ABCA5: variants seen among roughly 807,000 people sequenced by gnomAD.
The protein encoded by ABCA5 is ATP binding cassette subfamily A member 5, also known as cholesterol transporter ABCA5.
A neutral mutation model predicts 206.0 loss-of-function variants in ABCA5; 163 were observed. That is an observed-to-expected ratio of 0.79 (90% CI 0.70 to 0.90). The LOEUF is 0.90. Among genes scored for constraint, ABCA5 ranks in the 40% least tolerant of loss-of-function variants. The pLI is 0.00. For missense variants in ABCA5, 1,859 were observed against 1,912.9 expected (o/e 0.97, Z 0.53); for synonymous variants, 609 against 613.8 (o/e 0.99, Z 0.11).
chr17:69,267,367 C>G (rs1039051412), intron 23 of ABCA5, among the ~76,000 whole-genome samples: 1 of 152,048 alleles, frequency 6.6e-6, no homozygotes, highest in African/African-American at 2.4e-5. Context: ...AAAGACTGTA[C>G]AAGATCGCTA....
At chr17:69,306,618 G>T (rs1054647783) in intron 6 of ABCA5, 107 bp downstream of exon 6, 2 of 502,098 alleles carry the variant, frequency 4.0e-6, no homozygotes, top group Middle Eastern at 6.4e-4. Context: ...AAGAAAACAG[G>T]ATAAGCACAT....
rs2074964840 is a variant in ABCA5, at chr17:69,247,563, T to C, written c.4903A>G (p.Thr1635Ala). 1 of 1,608,836 alleles carries C rather than the reference T, an allele frequency of 6.2e-7. No homozygotes were observed. The highest frequency in any genetic ancestry group is 1.1e-5 in the South Asian group (1 of 90,330). The change falls in exon 39 of 39, where the codon ACA becomes GCA. Residue 1635 changes from threonine to alanine, a missense_variant. Coordinates refer to ENST00000392676, the MANE Select transcript of ABCA5 (RefSeq NM_172232.4). Reference protein sequence around the residue: ...TLNSTLWWERTQEDRVVF With the variant: ...TLNSTLWWERAQEDRVVF ...CAAAATACTACTCTATCTTCTTGTG[T>C]TCGTTCCCACCAAAGTGTGCTGTTT...
At chr17:69,309,863 A>T (rs1028276391) in intron 3 of ABCA5, among the ~76,000 whole-genome samples, 1 of 152,090 alleles carries the variant, frequency 6.6e-6, no homozygotes, top group Non-Finnish European at 1.5e-5. Flanking sequence ...AAACAAAAAG[A>T]AGACAATTCT....
At chr17:69,318,113 A>G (rs937086981) in intron 1 of ABCA5, among the ~76,000 whole-genome samples, 3 of 79,740 alleles carry the variant, frequency 3.8e-5, no homozygotes, top group Non-Finnish European at 3.0e-5. Flanking sequence ...GAAAACTCAC[A>G]ATTTTTTTTT....
At chr17:69,280,411 C>G (rs11077446) in intron 18 of ABCA5, among the ~76,000 whole-genome samples, 2 of 147,550 alleles carry the variant, frequency 1.4e-5, no homozygotes, top group South Asian at 2.2e-4. Flanking sequence ...TATGGAGAAA[C>G]AGGAACACTT....
chr17:69,271,334 AG>A (rs771914532), intron 20 of ABCA5, 45 bp from the exon 21 acceptor site: 1 of 1,557,828 alleles, frequency 6.4e-7, no homozygotes, highest in Non-Finnish European at 8.7e-7. Context: ...AGTCTAAACG[AG>A]GCTTTTAGTA....
intron 19 of ABCA5, among the ~76,000 whole-genome samples, 186 bp from the exon 20 acceptor site, chr17:69,274,314 G>A (rs1320531963): frequency 1.3e-5 from 2 of 151,952 alleles, no homozygotes; most frequent in African/African-American, 4.8e-5. Flanking sequence ...CACCTCCCAG[G>A]CTCAAGCAAT....
chr17:69,313,610 T>C (rs1315972702), intron 2 of ABCA5, among the ~76,000 whole-genome samples: 1 of 152,122 alleles, frequency 6.6e-6, no homozygotes, highest in Non-Finnish European at 1.5e-5. Flanking sequence ...ATAATAAATT[T>C]ACTCATATAA....
rs911644235 is a variant in ABCA5 at position 69,282,497 on chromosome 17, G to A, written c.2392+1456C>T. Among the ~76,000 whole-genome samples the A allele has an allele frequency of 6.6e-5, 10 of 152,138 alleles. No homozygotes were observed. The East Asian group carries it at 7.7e-4, about 12-fold the overall frequency. ...CTCAAAATTCATGCCTCGGCCGGGC[G>A]CAGTGGCTTACACCTGTAATCCTAG... On this transcript the variant is annotated intron_variant, in intron 18 of 38. Coordinates refer to ENST00000392676, the MANE Select transcript of ABCA5 (RefSeq NM_172232.4).
Position 69,255,187 on chromosome 17 carries a change from G to A in ABCA5, c.4068+356C>T, listed in dbSNP as rs530791572. ...AGTTTTGTGAAGTATCCACAAAGTGGTCAGTGACATGCTTATAATAAAAGA... is the reference window on the plus strand; with the variant it reads ...AGTTTTGTGAAGTATCCACAAAGTGATCAGTGACATGCTTATAATAAAAGA... On this transcript the variant is annotated intron_variant, in intron 31 of 38. Transcript: ENST00000392676. 3.9e-5 allele frequency among the ~76,000 whole-genome samples: 6 copies of A among 152,234 alleles called. No individual in the cohort carries two copies. The South Asian group carries it at 1.2e-3, about 32-fold the overall frequency.
At chr17:69,288,707 TA>T (rs56289033) in intron 14 of ABCA5, among the ~76,000 whole-genome samples, 121 of 106,918 alleles carry the variant, frequency 1.1e-3, no homozygotes, top group Admixed American at 1.6e-3. Flanking sequence ...CTCTACAAAT[TA>T]AAAAAAAAAA....
intron 35 of ABCA5, 87 bp from the exon 36 acceptor site, chr17:69,250,708 A>T (rs2075002564): frequency 3.1e-6 from 3 of 959,516 alleles, no homozygotes; most frequent in Non-Finnish European, 4.4e-6. Context: ...ATTTTAAAAA[A>T]ATATACCTTT....
chr17:69,266,310 G>C (rs2075207034), intron 23 of ABCA5, among the ~76,000 whole-genome samples: 1 of 152,052 alleles, frequency 6.6e-6, no homozygotes, highest in African/African-American at 2.4e-5. Flanking sequence ...GAAATGTTCT[G>C]TATCTTGACT....
At chr17:69,293,886 T>TGTGTTTG (rs1567771944) in intron 11 of ABCA5, among the ~76,000 whole-genome samples, 15 of 64,866 alleles carry the variant, frequency 2.3e-4, no homozygotes, top group African/African-American at 7.2e-4. Flanking sequence ...GTGTGTGTGT[T>TGTGTTTG]TGTGTGTGTG....
chr17:69,266,516 A>T (rs1353420360), intron 23 of ABCA5, among the ~76,000 whole-genome samples: 1 of 150,944 alleles, frequency 6.6e-6, no homozygotes, highest in Non-Finnish European at 1.5e-5. Context: ...ATGTATACAT[A>T]TGTAACTAAC....
In ABCA5 at chr17:69,268,014, C is replaced by T. The variant is rs2075229930; in HGVS notation, c.3073G>A (p.Ala1025Thr). 2.5e-6 allele frequency: 4 copies of T among 1,609,730 alleles called. 1 individual carries two copies. The highest frequency in any genetic ancestry group is 1.7e-6 in the Non-Finnish European group (2 of 1,176,960). ...IVFKIELYFQ[A>T]ALLGIIVTAM... ...GTAACAATGATTCCAAGCAAAGCTGCTTGAAAATACAGCTCAATTTTAAAA... is the reference window on the plus strand; with the variant it reads ...GTAACAATGATTCCAAGCAAAGCTGTTTGAAAATACAGCTCAATTTTAAAA... Residue 1025 changes from alanine (A) to threonine (T), a missense_variant, in exon 23 of 39, where the codon GCA (alanine) becomes ACA (threonine). By Grantham distance (58) the Ala-to-Thr change is moderately conservative. Transcript: ENST00000392676.
chr17:69,249,491 T>G (rs1236970376), intron 37 of ABCA5: 2 of 167,554 alleles, frequency 1.2e-5, no homozygotes, highest in African/African-American at 2.4e-5. Flanking sequence ...TATGGACCAG[T>G]ATGAAGTAAG....
intron 1 of ABCA5, among the ~76,000 whole-genome samples, chr17:69,322,060 C>A (rs1371032215): frequency 6.6e-6 from 1 of 152,064 alleles, no homozygotes; most frequent in African/African-American, 2.4e-5. Context: ...AAATTCACTT[C>A]TTAATTTATC....
chr17:69,259,672 A>G (rs773163358), intron 28 of ABCA5, 34 bp downstream of exon 28: 1 of 1,402,244 alleles, frequency 7.1e-7, no homozygotes, highest in Admixed American at 1.8e-5. Flanking sequence ...TAAATATACT[A>G]AAAACATTTA....
Sources: gnomAD v4.1 joint callset for allele counts (sites outside exome capture counted in the v4.1 genomes callset) on GRCh38, gnomAD v4.1.1 for gene constraint, MANE v1.5 for transcripts, NCBI Gene and HGNC (gene_info 2026-07-23, HGNC 2026-07-21) for gene names.